FRAS1: variants seen among roughly 807,000 people sequenced by gnomAD.
FRAS1 encodes extracellular matrix organizing protein FRAS1.
FRAS1 carries 290 observed loss-of-function variants against 435.2 expected under a neutral mutation model. That is an observed-to-expected ratio of 0.67 (90% CI 0.61 to 0.73). The LOEUF (loss-of-function observed/expected upper bound fraction) is 0.73, where lower values mean the gene tolerates loss of function less well. Ranked by LOEUF, FRAS1 falls within the 30% of genes least tolerant of loss-of-function variation. FRAS1 has a pLI of 0.00. For missense variants in FRAS1, 4,860 were observed against 5,001.5 expected (o/e 0.97, Z 0.85); for synonymous variants, 1,800 against 1,851.0 (o/e 0.97, Z 0.71).
At chr4:78,216,678 T>C (rs1723782193) in intron 2 of FRAS1, among the ~76,000 whole-genome samples, 1 of 152,176 alleles carries the variant, frequency 6.6e-6, no homozygotes, top group Admixed American at 6.5e-5. Context: ...GTGAAGCAGA[T>C]GTAAACAGAA....
chr4:78,137,115 G>C (rs1719951856), intron 2 of FRAS1, among the ~76,000 whole-genome samples: 1 of 152,120 alleles, frequency 6.6e-6, no homozygotes, highest in African/African-American at 2.4e-5. Flanking sequence ...CACCCACCTG[G>C]GTGTGTTTTT....
At chr4:78,164,398 C>T (rs1215132172) in intron 2 of FRAS1, among the ~76,000 whole-genome samples, 2 of 151,944 alleles carry the variant, frequency 1.3e-5, no homozygotes, top group Non-Finnish European at 2.9e-5. Context: ...ATGGAAACCA[C>T]ATTTATGATC....
chr4:78,407,390 T>A (rs1733143211), intron 30 of FRAS1, among the ~76,000 whole-genome samples: 1 of 152,218 alleles, frequency 6.6e-6, no homozygotes, highest in Non-Finnish European at 1.5e-5. Context: ...CTTATGTAAT[T>A]TTTAATAGAT....
intron 2 of FRAS1, among the ~76,000 whole-genome samples, chr4:78,138,334 G>A (rs1056113234): frequency 4.6e-5 from 7 of 152,146 alleles, no homozygotes; most frequent in Non-Finnish European, 1.0e-4. Context: ...TTAGGTCCAG[G>A]GTGAGAACTC....
At chr4:78,389,269 C>T (rs1184476675) in intron 29 of FRAS1, among the ~76,000 whole-genome samples, 1 of 152,200 alleles carries the variant, frequency 6.6e-6, no homozygotes, top group East Asian at 1.9e-4. Context: ...CCTTTTATTT[C>T]AAATATCACT....
chr4:78,354,429 G>C (rs1382743598), intron 20 of FRAS1, among the ~76,000 whole-genome samples: 1 of 152,106 alleles, frequency 6.6e-6, no homozygotes, highest in Non-Finnish European at 1.5e-5. Flanking sequence ...AACAGCTTAC[G>C]GGTGGGCTGA....
At chr4:78,252,927 G>A (rs1725611423) in intron 5 of FRAS1, among the ~76,000 whole-genome samples, 1 of 152,172 alleles carries the variant, frequency 6.6e-6, no homozygotes, top group Admixed American at 6.5e-5. Context: ...TGCACGTATT[G>A]TCTTGATAAA....
intron 2 of FRAS1, among the ~76,000 whole-genome samples, chr4:78,124,668 T>G (rs931209569): frequency 6.6e-6 from 1 of 152,212 alleles, no homozygotes; most frequent in Non-Finnish European, 1.5e-5. Context: ...TTCTGATCTA[T>G]GCAGAGATTC....
chr4:78,153,849 T>C (rs1720771937), intron 2 of FRAS1, among the ~76,000 whole-genome samples: 4 of 152,214 alleles, frequency 2.6e-5, no homozygotes, highest in African/African-American at 7.2e-5. Flanking sequence ...TCTTTTCATG[T>C]TCTTTATAAC....
At chr4:78,186,683 A>G (rs953438443) in intron 2 of FRAS1, among the ~76,000 whole-genome samples, 4 of 152,232 alleles carry the variant, frequency 2.6e-5, no homozygotes, top group African/African-American at 9.6e-5. Flanking sequence ...CCCAGTAGAC[A>G]ACATCAAAAT....
At chr4:78,470,212 T>G in intron 51 of FRAS1, 121 bp downstream of exon 51, 1 of 640,544 alleles carries the variant, frequency 1.6e-6, no homozygotes. Flanking sequence ...CTAAATAAAC[T>G]GATTTTCCTG....
intron 2 of FRAS1, among the ~76,000 whole-genome samples, chr4:78,130,667 TGG>T (rs1369045738): frequency 6.6e-6 from 1 of 152,172 alleles, no homozygotes; most frequent in African/African-American, 2.4e-5. Flanking sequence ...ACTAAGGATT[TGG>T]GGACAGACTT....
At position 78,425,100 on chromosome 4, in the gene FRAS1, GATAATAATAATA is replaced by G. The variant is rs35385181; in HGVS notation, c.4711+700_4711+711del. ...CCTGAATGCCTCATTCTTAAATGGGGATAATAATAATAATAATAATAATAATAATAAATATAA... is the reference window on the plus strand; with the variant it reads ...CCTGAATGCCTCATTCTTAAATGGGGATAATAATAATAATAATAAATATAA... On this transcript the variant is annotated intron_variant, in intron 35 of 73. Coordinates refer to ENST00000512123, the MANE Select transcript of FRAS1 (RefSeq NM_025074.7). Among the ~76,000 whole-genome samples the G allele has an allele frequency of 4.2e-5, 6 of 141,918 alleles. No homozygotes were observed. The East Asian group carries it at 6.0e-4, about 14-fold the overall frequency. 93.1% of individuals were successfully genotyped at this position (141,918 alleles called of 152,430 possible).
intron 29 of FRAS1, among the ~76,000 whole-genome samples, chr4:78,390,796 C>T (rs968546298): frequency 6.6e-6 from 1 of 152,120 alleles, no homozygotes; most frequent in Admixed American, 6.5e-5. Flanking sequence ...AAGTTCTTAC[C>T]CTGTGGCTAC....
Position 78,374,454 on chromosome 4 carries a change from C to T in FRAS1, c.3151+203C>T, listed in dbSNP as rs183467548. ...ATATAGGAGTGTAAGCCAATATTCT[C>T]TTACACAAATCAATATTGTCCCCAA... On this transcript the variant is annotated intron_variant, in intron 25 of 73. Transcript: ENST00000512123. Among the ~76,000 whole-genome samples the T allele has an allele frequency of 2.0e-3, 306 of 152,284 alleles. 4 individuals are homozygous for T. Among genetic ancestry groups the T allele is most frequent in the Non-Finnish European group, 6.2e-4 (42 of 68,016 alleles).
At chr4:78,309,414 C>G (rs345527) in intron 15 of FRAS1, among the ~76,000 whole-genome samples, 116,425 of 152,204 alleles carry the variant, frequency 0.76, 45,242 homozygotes, top group African/African-American at 0.89. Flanking sequence ...ACTTAGGATA[C>G]TGCCTGGGAC....
chr4:78,101,375 T>C (rs113106040), intron 2 of FRAS1, among the ~76,000 whole-genome samples: 2,123 of 152,288 alleles, frequency 0.014, 50 homozygotes, highest in African/African-American at 0.047. Flanking sequence ...GACAACATAG[T>C]GGTTTTGGAA....
Position 78,431,360 on chromosome 4 carries a change from C to T in FRAS1, c.4969+943C>T, listed in dbSNP as rs558559782. 2.6e-5 allele frequency among the ~76,000 whole-genome samples: 4 copies of T among 152,280 alleles called. No homozygotes were observed. In the South Asian group the frequency reaches 8.3e-4, roughly 32 times the overall value. On this transcript the variant is annotated intron_variant, in intron 37 of 73. Coordinates refer to ENST00000512123, the MANE Select transcript of FRAS1 (RefSeq NM_025074.7). ...TCTAATTTCTTTAACATTGCATTTA[C>T]TCTGTATATGTGCAGTTAACATATA...
intron 15 of FRAS1, among the ~76,000 whole-genome samples, chr4:78,314,659 A>G (rs1055494894): frequency 6.6e-6 from 1 of 152,102 alleles, no homozygotes; most frequent in African/African-American, 2.4e-5. Flanking sequence ...TATAATCTGG[A>G]CTTCCCATTT....
Sources: allele counts gnomAD v4.1 joint callset (sites outside exome capture counted in the v4.1 genomes callset), GRCh38; gene constraint gnomAD v4.1.1; transcripts MANE v1.5; gene names NCBI Gene and HGNC (gene_info 2026-07-23, HGNC 2026-07-21).